ASAP2: variants seen among roughly 807,000 people sequenced by gnomAD.
ASAP2 encodes the protein ArfGAP with SH3 domain, ankyrin repeat and PH domain 2, also known as arf-GAP with SH3 domain, ANK repeat and PH domain-containing protein 2.
In ASAP2, 45 loss-of-function variants were observed where a neutral mutation model predicts 131.4. That is an observed-to-expected ratio of 0.34 (90% CI 0.27 to 0.44). The LOEUF (loss-of-function observed/expected upper bound fraction) is 0.44. ASAP2 is among the 20% of genes least tolerant of loss of function. ASAP2 has a pLI of 1.00. For missense variants in ASAP2, 1,011 were observed against 1,297.0 expected (o/e 0.78, Z 3.39); for synonymous variants, 510 against 503.0 (o/e 1.01, Z -0.19).
At chr2:9,367,789 T>A (rs2709577) in intron 15 of ASAP2, among the ~76,000 whole-genome samples, 1 of 152,198 alleles carries the variant, frequency 6.6e-6, no homozygotes, top group Non-Finnish European at 1.5e-5. Flanking sequence ...AATTTAATGT[T>A]TAACATGTCA....
chr2:9,208,097 A>G (rs1661265238), intron 1 of ASAP2, among the ~76,000 whole-genome samples: 1 of 152,186 alleles, frequency 6.6e-6, no homozygotes, highest in African/African-American at 2.4e-5. Flanking sequence ...GGTTTGAGGC[A>G]CATCCTCACC....
In ASAP2 at chr2:9,271,676, G is replaced by A. The variant is rs540128220; in HGVS notation, c.127-7641G>A. 6.3e-5 allele frequency: 39 copies of A among 619,938 alleles called. No homozygotes were observed. The East Asian group carries it at 8.5e-4, about 13-fold the overall frequency. 38.4% of individuals were successfully genotyped at this position (619,938 alleles called of 1,614,324 possible). A position where few individuals can be genotyped will look rare whatever the true frequency, so the allele number is the denominator to read the frequency against. On this transcript the variant is annotated intron_variant, in intron 1 of 27. Coordinates refer to ENST00000281419, the MANE Select transcript of ASAP2 (RefSeq NM_003887.3). ...GTGGAAATGGTCTGCGGAAGACGGC[G>A]GGCAGAGGGTACGGAAAGTAGGGAA...
chr2:9,218,459 A>G (rs1209512576), intron 1 of ASAP2, among the ~76,000 whole-genome samples: 1 of 152,146 alleles, frequency 6.6e-6, no homozygotes, highest in Admixed American at 6.5e-5. Flanking sequence ...GTTTCAGCAA[A>G]TCTGTATTTT....
At chr2:9,348,825 A>AG (rs1281009506) in intron 11 of ASAP2, among the ~76,000 whole-genome samples, 2 of 152,110 alleles carry the variant, frequency 1.3e-5, no homozygotes, top group Non-Finnish European at 2.9e-5. Context: ...GGAGGTGGGG[A>AG]GGGAGAATGA....
At position 9,207,503 on chromosome 2, in the gene ASAP2, A is replaced by C. The variant is rs1661202026; in HGVS notation, c.126+273A>C. Among the ~76,000 whole-genome samples, 2 of 151,808 alleles carry C rather than the reference A, an allele frequency of 1.3e-5. No individual in the cohort carries two copies. Among genetic ancestry groups the C allele is most frequent in the South Asian group, 4.2e-4 (2 of 4,810 alleles). Reference sequence around the variant, plus strand: ...CTGGTCTTTTCCCCGCAGCGCGGCCAACTTTGTCCAGAGTCGGGGTCCGCG... The same window carrying C: ...CTGGTCTTTTCCCCGCAGCGCGGCCCACTTTGTCCAGAGTCGGGGTCCGCG... On this transcript the variant is annotated intron_variant, in intron 1 of 27. Coordinates refer to ENST00000281419, the MANE Select transcript of ASAP2 (RefSeq NM_003887.3). The surrounding 1 kb of genome is among the most constrained non-coding windows in gnomAD (Gnocchi z 4.1).
intron 2 of ASAP2, among the ~76,000 whole-genome samples, chr2:9,292,182 T>C (rs1358569370): frequency 6.6e-6 from 1 of 151,990 alleles, no homozygotes; most frequent in Non-Finnish European, 1.5e-5. Flanking sequence ...GTGGGGACAA[T>C]GAGACCTGTG....
chr2:9,312,589 C>G (rs1459255786), intron 3 of ASAP2, among the ~76,000 whole-genome samples: 32 of 152,164 alleles, frequency 2.1e-4, no homozygotes, highest in Admixed American at 2.1e-3. Context: ...ATGTCTCAGT[C>G]CTGGCTCCTC....
At chr2:9,317,524 ACACT>A (rs1401231399) in intron 3 of ASAP2, among the ~76,000 whole-genome samples, 2 of 142,458 alleles carry the variant, frequency 1.4e-5, no homozygotes, top group African/African-American at 5.3e-5. Context: ...ATCACACCCC[ACACT>A]CAAATCCACA....
chr2:9,370,240 G>A (rs976139942), intron 16 of ASAP2, among the ~76,000 whole-genome samples: 1 of 152,206 alleles, frequency 6.6e-6, no homozygotes, highest in Non-Finnish European at 1.5e-5. Context: ...TACAGTGAAA[G>A]AGCCAGAACA....
chr2:9,212,665 C>T (rs1661660705), intron 1 of ASAP2, among the ~76,000 whole-genome samples: 1 of 152,138 alleles, frequency 6.6e-6, no homozygotes, highest in South Asian at 2.1e-4. Flanking sequence ...TACATGCATT[C>T]CAGGCCCGCA....
intron 1 of ASAP2, among the ~76,000 whole-genome samples, chr2:9,273,038 G>A (rs998683842): frequency 1.3e-5 from 2 of 152,100 alleles, no homozygotes; most frequent in African/African-American, 4.8e-5. Flanking sequence ...TGGGTCTTTT[G>A]TGGTTCTATA....
intron 1 of ASAP2, among the ~76,000 whole-genome samples, chr2:9,235,627 T>C (rs6431992): frequency 0.54 from 81,468 of 151,676 alleles, 23,050 homozygotes; most frequent in African/African-American, 0.73. Context: ...CGTGAGCTGC[T>C]GTGGTAGCGT....
At chr2:9,368,769 C>G (rs1223568824) in intron 16 of ASAP2, among the ~76,000 whole-genome samples, 1 of 152,034 alleles carries the variant, frequency 6.6e-6, no homozygotes, top group Admixed American at 6.6e-5. Flanking sequence ...TGTAGAGAGC[C>G]TCACTCGCCA....
chr2:9,233,963 T>C (rs1663354690), intron 1 of ASAP2, among the ~76,000 whole-genome samples: 1 of 151,870 alleles, frequency 6.6e-6, no homozygotes, highest in Admixed American at 6.6e-5. Context: ...ATATAAAAAT[T>C]AGCTGGTCGT....
intron 7 of ASAP2, among the ~76,000 whole-genome samples, chr2:9,329,220 G>A (rs1461894743): frequency 1.3e-5 from 2 of 152,230 alleles, no homozygotes; most frequent in Non-Finnish European, 2.9e-5. Flanking sequence ...GGCGTGAAAC[G>A]AAACTGCATG....
intron 23 of ASAP2, among the ~76,000 whole-genome samples, chr2:9,391,576 C>CTT (rs397869342): frequency 7.4e-4 from 100 of 135,152 alleles, no homozygotes; most frequent in East Asian, 6.6e-3. Context: ...TTTTCTTTTT[C>CTT]TTTTTTTTTT....
chr2:9,395,029 C>G (rs954840417), intron 24 of ASAP2, among the ~76,000 whole-genome samples: 1 of 152,184 alleles, frequency 6.6e-6, no homozygotes, highest in Non-Finnish European at 1.5e-5. Context: ...TGGCTGGGTC[C>G]ACGGACAGGT....
intron 11 of ASAP2, among the ~76,000 whole-genome samples, chr2:9,349,887 T>C (rs936221361): frequency 1.3e-5 from 2 of 152,144 alleles, no homozygotes; most frequent in African/African-American, 4.8e-5. Flanking sequence ...CAAATTCAGG[T>C]TTTTTTCATC....
intron 6 of ASAP2, among the ~76,000 whole-genome samples, chr2:9,326,654 A>T (rs1016606251): frequency 5.3e-5 from 8 of 152,232 alleles, no homozygotes; most frequent in African/African-American, 1.9e-4. Context: ...TTCAAAAAAA[A>T]TCGTATAAGT....
Sources: allele counts gnomAD v4.1 joint callset (sites outside exome capture counted in the v4.1 genomes callset), GRCh38; gene constraint gnomAD v4.1.1; non-coding constraint Gnocchi (gnomAD v3.1); transcripts MANE v1.5; gene names NCBI Gene and HGNC (gene_info 2026-07-23, HGNC 2026-07-21).